PDE10A: variants seen among roughly 807,000 people sequenced by gnomAD.
The protein encoded by PDE10A is phosphodiesterase 10A, also known as cAMP and cAMP-inhibited cGMP 3',5'-cyclic phosphodiesterase 10A.
A neutral mutation model predicts 97.7 loss-of-function variants in PDE10A; 39 were observed. That is an observed-to-expected ratio of 0.40 (90% CI 0.31 to 0.52). The LOEUF (loss-of-function observed/expected upper bound fraction) is 0.52, where lower values mean the gene tolerates loss of function less well. PDE10A is among the 20% of genes least tolerant of loss of function. The pLI, the probability that PDE10A is intolerant of heterozygous loss-of-function variation, is 0.56. For synonymous variants in PDE10A, 371 were observed against 376.8 expected, an observed-to-expected ratio of 0.98 and a Z score of 0.18; for missense variants, 731 against 1,047.8, an observed-to-expected ratio of 0.70 and a Z score of 4.17.
At chr6:165,938,082 A>G (rs1783394122) in intron 1 of PDE10A, among the ~76,000 whole-genome samples, 1 of 152,234 alleles carries the variant, frequency 6.6e-6, no homozygotes. Context: ...TCAAAGGTCT[A>G]AATATATTGC....
intron 1 of PDE10A, among the ~76,000 whole-genome samples, chr6:165,586,331 AT>A (rs1382070248): frequency 7.9e-5 from 12 of 152,232 alleles, no homozygotes; most frequent in African/African-American, 2.9e-4. Context: ...ACATGTTTCC[AT>A]TAAGTTACTG....
intron 10 of PDE10A, among the ~76,000 whole-genome samples, chr6:165,425,236 A>G (rs549008468): frequency 2.0e-5 from 3 of 152,266 alleles, no homozygotes; most frequent in African/African-American, 4.8e-5. Context: ...TTTTTAAAAA[A>G]AACTGAAAAT....
intron 1 of PDE10A, among the ~76,000 whole-genome samples, chr6:165,713,375 G>T (rs1791949452): frequency 6.6e-6 from 1 of 152,236 alleles, no homozygotes; most frequent in South Asian, 2.1e-4. Flanking sequence ...GAGAAATAAA[G>T]CAACTACCTT....
intron 1 of PDE10A, among the ~76,000 whole-genome samples, chr6:165,563,269 GGGAAGGAA>G (rs762322146): frequency 6.7e-6 from 1 of 150,188 alleles, no homozygotes; most frequent in Non-Finnish European, 1.5e-5. Flanking sequence ...GGAGGAAGGA[GGGAAGGAA>G]GGAAGGAAGG....
chr6:165,878,169 A>G (rs961174520), intron 1 of PDE10A, among the ~76,000 whole-genome samples: 1 of 152,196 alleles, frequency 6.6e-6, no homozygotes, highest in African/African-American at 2.4e-5. Flanking sequence ...AACCTGCCAC[A>G]TTTTACAAAA....
intron 1 of PDE10A, among the ~76,000 whole-genome samples, chr6:165,623,388 G>A (rs1788237329): frequency 6.6e-6 from 1 of 152,062 alleles, no homozygotes; most frequent in African/African-American, 2.4e-5. Context: ...AAAGTGCTGG[G>A]ATTACAGGCG....
At chr6:165,534,747 T>C (rs762568404) in intron 2 of PDE10A, among the ~76,000 whole-genome samples, 3 of 152,062 alleles carry the variant, frequency 2.0e-5, no homozygotes, top group Admixed American at 2.0e-4. Flanking sequence ...AAATTCAACA[T>C]TCCTTTATGA....
intron 2 of PDE10A, among the ~76,000 whole-genome samples, chr6:165,500,559 C>T (rs1780809185): frequency 7.5e-6 from 1 of 133,112 alleles, no homozygotes. Context: ...TACCCAGGGA[C>T]ACAATACACA....
intron 1 of PDE10A, among the ~76,000 whole-genome samples, chr6:165,933,988 CTTTTTT>C (rs35582422): frequency 6.6e-4 from 92 of 140,302 alleles, no homozygotes; most frequent in African/African-American, 2.3e-3. Context: ...CATCAATTCC[CTTTTTT>C]TTTTTTTTTA....
rs540467899 is a variant in PDE10A, at chr6:165,959,341, G to A, written c.-615+28188C>T. On this transcript the variant is annotated intron_variant, in intron 1 of 19. Transcript: ENST00000366882. ...CAAGTGAGGGAGGGCAAATGGGGAG[G>A]AAAGAAGAGAGGTCACTGCAAAGTC... 1.4e-3 allele frequency among the ~76,000 whole-genome samples: 219 copies of A among 152,262 alleles called. 1 individual carries two copies. Among genetic ancestry groups the A allele is most frequent in the African/African-American group, 5.1e-3 (212 of 41,546 alleles).
chr6:165,935,931 AT>A (rs1374384343), intron 1 of PDE10A, among the ~76,000 whole-genome samples: 2 of 152,188 alleles, frequency 1.3e-5, no homozygotes, highest in Admixed American at 1.3e-4. Context: ...GAGCCAAATA[AT>A]TTCTATTGTT....
chr6:165,943,303 G>T (rs1783634541), intron 1 of PDE10A, among the ~76,000 whole-genome samples: 1 of 115,994 alleles, frequency 8.6e-6, no homozygotes, highest in South Asian at 2.9e-4. Flanking sequence ...AGGAAAGAAA[G>T]AAAGAAGGAA....
chr6:165,978,378 CAG>C (rs1318809121), intron 1 of PDE10A, among the ~76,000 whole-genome samples: 2 of 152,194 alleles, frequency 1.3e-5, no homozygotes, highest in Non-Finnish European at 2.9e-5. Context: ...GAAGAATAAT[CAG>C]AGTTTATTAC....
intron 1 of PDE10A, among the ~76,000 whole-genome samples, chr6:165,619,419 G>GTAGGC (rs1426034882): frequency 3.6e-4 from 7 of 19,408 alleles, no homozygotes; most frequent in African/African-American, 1.9e-3. Flanking sequence ...CTAGTGTAGT[G>GTAGGC]TAGTGTAGTA....
chr6:165,882,693 C>T (rs538096912), intron 1 of PDE10A, among the ~76,000 whole-genome samples: 11 of 151,100 alleles, frequency 7.3e-5, no homozygotes, highest in African/African-American at 2.4e-4. Flanking sequence ...GGTCTTCTAT[C>T]ATTCATGGCA....
intron 1 of PDE10A, among the ~76,000 whole-genome samples, chr6:165,772,798 G>T (rs906156577): frequency 6.6e-6 from 1 of 152,198 alleles, no homozygotes; most frequent in African/African-American, 2.4e-5. Flanking sequence ...CCGAAAGACA[G>T]AATAGTGTAG....
chr6:165,498,936 T>C (rs1416242542), intron 2 of PDE10A, among the ~76,000 whole-genome samples: 1 of 152,222 alleles, frequency 6.6e-6, no homozygotes, highest in African/African-American at 2.4e-5. Context: ...CTGCATGTAG[T>C]AGTTTCACAT....
intron 13 of PDE10A, among the ~76,000 whole-genome samples, chr6:165,401,192 A>C (rs1786633829): frequency 6.6e-6 from 1 of 151,730 alleles, no homozygotes; most frequent in Non-Finnish European, 1.5e-5. Flanking sequence ...AACTATTTTA[A>C]AAGTTTCTGC....
chr6:165,876,639 C>T (rs1781352647), intron 1 of PDE10A, among the ~76,000 whole-genome samples: 1 of 152,228 alleles, frequency 6.6e-6, no homozygotes, highest in Non-Finnish European at 1.5e-5. Context: ...GTTACCACTG[C>T]ATGGAATATT....
Sources: gnomAD v4.1 joint callset for allele counts (sites outside exome capture counted in the v4.1 genomes callset) on GRCh38, gnomAD v4.1.1 for gene constraint, MANE v1.5 for transcripts, NCBI Gene and HGNC (gene_info 2026-07-23, HGNC 2026-07-21) for gene names.